The following AP4S1 variants were observed in gnomAD, a reference collection of about 807,000 sequenced individuals.
The protein encoded by AP4S1 is AP-4 complex subunit sigma-1.
In AP4S1, 23 loss-of-function variants were observed where a neutral mutation model predicts 19.8. The ratio of observed to expected loss-of-function variants is 1.16; its 90% CI spans 0.84 to 1.65. The LOEUF (loss-of-function observed/expected upper bound fraction) is 1.65. AP4S1 is among the 40% of genes most tolerant of loss of function. AP4S1 has a pLI of 0.00. For missense variants in AP4S1, 166 were observed against 172.8 expected (o/e 0.96, Z 0.22); for synonymous variants, 46 against 54.1 (o/e 0.85, Z 0.66).
intron 1 of AP4S1, among the ~76,000 whole-genome samples, chr14:31,054,171 TAGA>T (rs886321012): frequency 3.9e-5 from 6 of 152,344 alleles, no homozygotes; most frequent in Non-Finnish European, 5.9e-5. Context: ...TTCTACCCAC[TAGA>T]AGAAGTTCAC....
intron 1 of AP4S1, among the ~76,000 whole-genome samples, chr14:31,060,889 A>T (rs1330588750): frequency 1.3e-5 from 2 of 150,846 alleles, no homozygotes; most frequent in Non-Finnish European, 1.5e-5. Flanking sequence ...TCTTGACTCC[A>T]CTTTTTTTTT....
At chr14:31,046,192 G>A (rs1012824464) in intron 1 of AP4S1, among the ~76,000 whole-genome samples, 2 of 151,882 alleles carry the variant, frequency 1.3e-5, no homozygotes, top group African/African-American at 2.4e-5. Flanking sequence ...CCTGCCCTCA[G>A]GTGATCCACC....
chr14:31,068,128 A>G (rs1205539651), intron 2 of AP4S1, among the ~76,000 whole-genome samples: 4 of 152,142 alleles, frequency 2.6e-5, no homozygotes, highest in African/African-American at 9.7e-5. Flanking sequence ...TTGGCCTCCT[A>G]AAGTGCTGGG....
chr14:31,049,443 A>ATATATATATATG (rs1339990957), intron 1 of AP4S1, among the ~76,000 whole-genome samples: 1 of 65,066 alleles, frequency 1.5e-5, no homozygotes, highest in African/African-American at 9.4e-5. Flanking sequence ...ATATATATAT[A>ATATATATATATG]TATATATATA....
At chr14:31,039,572 G>GTTTTTTTTT (rs1398903989) in intron 1 of AP4S1, among the ~76,000 whole-genome samples, 3 of 115,806 alleles carry the variant, frequency 2.6e-5, no homozygotes, top group Non-Finnish European at 3.9e-5. Context: ...GTGTAGTTTT[G>GTTTTTTTTT]TTTTTTTTTT....
chr14:31,047,165 C>T (rs1051399136), intron 1 of AP4S1, among the ~76,000 whole-genome samples: 6 of 152,088 alleles, frequency 3.9e-5, no homozygotes, highest in Non-Finnish European at 5.9e-5. Flanking sequence ...AAATTTATTT[C>T]CTAATTCATT....
At chr14:31,092,075 C>A (rs1888092047) in intron 5 of AP4S1, among the ~76,000 whole-genome samples, 1 of 152,170 alleles carries the variant, frequency 6.6e-6, no homozygotes, top group South Asian at 2.1e-4. Flanking sequence ...TTTCCCCATG[C>A]CCCATACTAA....
intron 5 of AP4S1, 183 bp downstream of exon 5, chr14:31,080,767 C>T (rs1314283995): frequency 3.7e-6 from 3 of 809,748 alleles, no homozygotes; most frequent in Non-Finnish European, 6.4e-6. Flanking sequence ...CGTCACCCTG[C>T]TTCAACAAGG....
At chr14:31,053,308 G>T (rs1424652530) in intron 1 of AP4S1, among the ~76,000 whole-genome samples, 1 of 152,096 alleles carries the variant, frequency 6.6e-6, no homozygotes, top group Non-Finnish European at 1.5e-5. Context: ...AGTCAGTAAG[G>T]TAGCTATTAC....
At chr14:31,025,613 G>A (rs1883799321), upstream of AP4S1, 1 of 486,210 alleles carries the variant, frequency 2.1e-6, no homozygotes, top group East Asian at 4.1e-5. Context: ...GGAGGCCCGG[G>A]AAGGCCGCCT....
chr14:31,093,220 T>G lies in AP4S1; in HGVS notation c.*185T>G. 2 of 508,162 alleles carry G rather than the reference T, an allele frequency of 3.9e-6. No individual in the cohort carries two copies. The highest frequency in any genetic ancestry group is 4.2e-5 in the East Asian group (1 of 24,068). 31.5% of individuals were successfully genotyped at this position (508,162 alleles called of 1,614,324 possible). A position where few individuals can be genotyped will look rare whatever the true frequency, so the allele number is the denominator to read the frequency against. ...GAAAACACAACTGTACTTTAAAATA[T>G]GTACAAAGAAAAAAATTTCTTTAAA... On this transcript the variant is annotated 3_prime_UTR_variant, in exon 6 of 6. Transcript: ENST00000542754.
intron 1 of AP4S1, among the ~76,000 whole-genome samples, chr14:31,054,419 C>CAA (rs1386947428): frequency 1.3e-5 from 2 of 152,140 alleles, no homozygotes; most frequent in East Asian, 3.9e-4. Context: ...CCCAGTGACT[C>CAA]ACGCCTGTAA....
rs145226033 is a variant in AP4S1, at chr14:31,028,549, A to G, written c.-72+2762A>G. Among the ~76,000 whole-genome samples the G allele has an allele frequency of 4.7e-3, 719 of 152,256 alleles. 7 individuals carry two copies. The highest frequency in any genetic ancestry group is 0.016 in the African/African-American group (674 of 41,538). ...TCCTTTTTAGGGGGCGTCATAGCAC[A>G]TAAAAAGCTCAGAAAAATTATGCTG... On this transcript the variant is annotated intron_variant, in intron 1 of 5. Transcript: ENST00000542754.
chr14:31,040,825 C>T (rs1457551409), intron 1 of AP4S1, among the ~76,000 whole-genome samples: 1 of 151,804 alleles, frequency 6.6e-6, no homozygotes, highest in Non-Finnish European at 1.5e-5. Flanking sequence ...AATGATAGGC[C>T]AGTTTTCTTT....
At chr14:31,026,796 T>A (rs1486001216) in intron 1 of AP4S1, 2 of 152,346 alleles carry the variant, frequency 1.3e-5, no homozygotes, top group African/African-American at 4.8e-5. Flanking sequence ...TCTGAGCTGG[T>A]TGTTAACCTG....
chr14:31,083,694 G>T, intron 5 of AP4S1: 1 of 381,970 alleles, frequency 2.6e-6, no homozygotes, highest in Non-Finnish European at 5.2e-6. Flanking sequence ...ATTTTTTGAG[G>T]AGATGGGGTC....
intron 3 of AP4S1, among the ~76,000 whole-genome samples, chr14:31,072,268 G>T (rs1394063131): frequency 6.6e-6 from 1 of 151,810 alleles, no homozygotes; most frequent in African/African-American, 2.4e-5. Flanking sequence ...TAGAGAAGAG[G>T]TCTCATTATG....
intron 1 of AP4S1, among the ~76,000 whole-genome samples, chr14:31,046,632 T>C (rs1347917552): frequency 6.6e-6 from 1 of 152,004 alleles, no homozygotes; most frequent in African/African-American, 2.4e-5. Context: ...GATCACAGGG[T>C]CAGGAGATCA....
At chr14:31,073,031 G>C (rs1019928395) in intron 4 of AP4S1, 58 bp downstream of exon 4, 1 of 1,398,688 alleles carries the variant, frequency 7.1e-7, no homozygotes, top group African/African-American at 1.4e-5. Context: ...CAGAAATTGA[G>C]TCTCTTTGGA....
Sources: allele counts gnomAD v4.1 joint callset (sites outside exome capture counted in the v4.1 genomes callset), GRCh38; gene constraint gnomAD v4.1.1; transcripts MANE v1.5; gene names NCBI Gene and HGNC (gene_info 2026-07-23, HGNC 2026-07-21).